VPS13D: variants seen among roughly 807,000 people sequenced by gnomAD.
VPS13D encodes vacuolar protein sorting 13 homolog D.
Under a neutral mutation model 461.9 loss-of-function variants are expected in VPS13D, and 187 were observed. The observed-to-expected ratio is 0.40, with a 90% CI of 0.36 to 0.46. VPS13D has a LOEUF of 0.46. VPS13D is among the 20% of genes least tolerant of loss of function. The probability of loss-of-function intolerance (pLI) is 0.60; values close to 1 mark genes in which losing one functional copy is unlikely to be tolerated. For missense variants in VPS13D, 4,711 were observed against 5,364.9 expected, an observed-to-expected ratio of 0.88 and a Z score of 3.81; for synonymous variants, 1,951 against 1,986.3, an observed-to-expected ratio of 0.98 and a Z score of 0.47.
In VPS13D at chr1:12,299,118, C is replaced by A; in HGVS notation, c.6034-84C>A. The A allele has an allele frequency of 7.4e-7, 1 of 1,348,800 alleles. No individual in the cohort carries two copies. Among genetic ancestry groups the A allele is most frequent in the Non-Finnish European group, 1.0e-6 (1 of 996,446 alleles). The allele number at this position is 1,348,800 out of a possible 1,614,324, so 83.6% of individuals were successfully genotyped here. ...TGATTTTAATTGTTTTATAAACTCACGAAACTTTTGGGAACCTGAGGTTAT... is the reference window on the plus strand; with the variant it reads ...TGATTTTAATTGTTTTATAAACTCAAGAAACTTTTGGGAACCTGAGGTTAT... On this transcript the variant is annotated intron_variant, in intron 24 of 69. Transcript: ENST00000620676. This position sits in a 1 kb window ranked among gnomAD's most constrained non-coding sequence, Gnocchi z 4.2.
At chr1:12,400,648 A>G (rs143449177) in intron 61 of VPS13D, among the ~76,000 whole-genome samples, 3 of 152,296 alleles carry the variant, frequency 2.0e-5, no homozygotes, top group African/African-American at 7.2e-5. Context: ...ATCCAGATCT[A>G]TTATTAAAAA....
rs759478285 is a variant in VPS13D at position 12,506,887 on chromosome 1, G to A, written c.12829G>A (p.Val4277Met). The A allele has an allele frequency of 3.8e-5, 62 of 1,614,144 alleles. No homozygotes were observed. Among genetic ancestry groups the A allele is most frequent in the South Asian group, 8.8e-5 (8 of 91,096 alleles). The change falls in exon 69 of 70, where the codon GTG becomes ATG. Residue 4277 changes from valine to methionine, a missense_variant. Val to Met is a conservative substitution (Grantham distance 21). Around this residue, in one of 3 missense-constraint regions of VPS13D, gnomAD observed 194 missense variants for 220.9 expected, o/e 0.88. Transcript: ENST00000620676. Reference sequence around the variant, plus strand: ...TGTGGAGAACATTGACAGCTACTGCGTGCTCATCTCCTCCAAAGCTGTTTA... The same window carrying A: ...TGTGGAGAACATTGACAGCTACTGCATGCTCATCTCCTCCAAAGCTGTTTA... ...IAVENIDSYCVLISSKAVYFL... is the reference protein window; with the variant it reads ...IAVENIDSYCMLISSKAVYFL...
At chr1:12,469,244 C>T (rs1209379574) in intron 67 of VPS13D, among the ~76,000 whole-genome samples, 1 of 152,114 alleles carries the variant, frequency 6.6e-6, no homozygotes, top group Non-Finnish European at 1.5e-5. Context: ...ACCCCAGATC[C>T]ATAACCTAAA....
At chr1:12,244,726 G>C (rs1322986350) in intron 5 of VPS13D, 109 bp downstream of exon 5, 2 of 1,021,664 alleles carry the variant, frequency 2.0e-6, no homozygotes, top group Non-Finnish European at 1.5e-6. Context: ...CTGATCTAGG[G>C]TGTAGATGGG....
chr1:12,328,794 CT>C (rs766845378), intron 36 of VPS13D, among the ~76,000 whole-genome samples: 12 of 152,334 alleles, frequency 7.9e-5, no homozygotes, highest in Non-Finnish European at 1.3e-4. Context: ...CCGCCTCAGC[CT>C]CCCAAAGTGC....
chr1:12,467,686 GA>G (rs1414787282), intron 67 of VPS13D, among the ~76,000 whole-genome samples: 1 of 152,060 alleles, frequency 6.6e-6, no homozygotes, highest in African/African-American at 2.4e-5. Context: ...TCTATTGTTG[GA>G]AAAAATGCAA....
chr1:12,468,037 T>C (rs1171714695), intron 67 of VPS13D, among the ~76,000 whole-genome samples: 1 of 152,220 alleles, frequency 6.6e-6, no homozygotes, highest in Non-Finnish European at 1.5e-5. Context: ...TTTGGGGTTA[T>C]TCCATTTACT....
Position 12,311,819 on chromosome 1 carries a change from C to T in VPS13D, c.6829C>T (p.Leu2277=), listed in dbSNP as rs142430611. 146 of 1,613,784 alleles carry T rather than the reference C, an allele frequency of 9.0e-5. No individual in the cohort carries two copies. The highest frequency in any genetic ancestry group is 1.1e-4 in the Non-Finnish European group (135 of 1,179,890). ...GAGCATTTTCCTTTTGTAGACTGTC[C>T]TGAGTGGAGAAGTGTACACCTGTAT... ...DLQDPRIHTV[L]SGEVYTCMCF... The change falls in exon 29 of 70, where the codon CTG becomes TTG. Residue 2277 remains leucine, a synonymous_variant. Transcript: ENST00000620676.
intron 15 of VPS13D, among the ~76,000 whole-genome samples, chr1:12,268,149 T>C (rs1248551105): frequency 6.6e-6 from 1 of 151,802 alleles, no homozygotes; most frequent in African/African-American, 2.4e-5. Flanking sequence ...GGGGTTTTGC[T>C]TTGTTGTCCA....
At chr1:12,456,636 CAAAAAA>C (rs367987300) in intron 66 of VPS13D, among the ~76,000 whole-genome samples, 4 of 83,674 alleles carry the variant, frequency 4.8e-5, no homozygotes, top group Admixed American at 2.6e-4. Flanking sequence ...GACTCCAATT[CAAAAAA>C]AAAAAAAAAA....
At chr1:12,361,604 C>T (rs1417240444) in intron 50 of VPS13D, among the ~76,000 whole-genome samples, 1 of 150,904 alleles carries the variant, frequency 6.6e-6, no homozygotes, top group Non-Finnish European at 1.5e-5. Flanking sequence ...ACCGTTTTAG[C>T]CGGGATGGTC....
rs1160450915 is a variant in VPS13D, at chr1:12,506,730, T to C, written c.12795-123T>C. 66 of 1,301,660 alleles carry C rather than the reference T, an allele frequency of 5.1e-5. No individual in the cohort carries two copies. The East Asian group carries it at 1.5e-3, about 29-fold the overall frequency. The allele number at this position is 1,301,660 out of a possible 1,614,324, so 80.6% of individuals were successfully genotyped here. ...GATAGAATTTCAGGATTTAGAAGTATTTCCCGGCAAGGGGGCCGGGATTCG... is the reference window on the plus strand; with the variant it reads ...GATAGAATTTCAGGATTTAGAAGTACTTCCCGGCAAGGGGGCCGGGATTCG... On this transcript the variant is annotated intron_variant, in intron 68 of 69. Coordinates refer to ENST00000620676, the MANE Select transcript of VPS13D (RefSeq NM_015378.4).
rs1218918761 is a variant in VPS13D, at chr1:12,367,587, T to TTTATTTATTTAC, written c.10449-879_10449-878insATTTATTTACTT. 191 of 151,928 alleles carry TTTATTTATTTAC rather than the reference T, an allele frequency of 1.3e-3. 1 individual carries two copies. The highest frequency in any genetic ancestry group is 4.4e-3 in the African/African-American group (184 of 41,448). 9.4% of individuals were successfully genotyped at this position (151,928 alleles called of 1,614,324 possible). On this transcript the variant is annotated intron_variant, in intron 52 of 69. Transcript: ENST00000620676. ...ATTTATTTATTTATTTATTTATTTA[T>TTTATTTATTTAC]TTTTGGAAACAGAGTCTCGCTCAGT...
chr1:12,292,738 C>G (rs1642170671), intron 23 of VPS13D, among the ~76,000 whole-genome samples: 1 of 152,052 alleles, frequency 6.6e-6, no homozygotes, highest in Admixed American at 6.6e-5. Flanking sequence ...CGTGCCTGGC[C>G]AGTGTGTGTG....
At chr1:12,403,177 G>A (rs768820135) in intron 62 of VPS13D, among the ~76,000 whole-genome samples, 1 of 152,248 alleles carries the variant, frequency 6.6e-6, no homozygotes, top group Non-Finnish European at 1.5e-5. Context: ...CCAGTTGGAT[G>A]TGCATACAGC....
At chr1:12,317,739 T>C (rs1642928147) in intron 30 of VPS13D, among the ~76,000 whole-genome samples, 1 of 151,920 alleles carries the variant, frequency 6.6e-6, no homozygotes. Context: ...AGTGTGACCC[T>C]GTCTCTTAAA....
intron 60 of VPS13D, among the ~76,000 whole-genome samples, chr1:12,388,831 A>G (rs1164096342): frequency 6.6e-6 from 1 of 152,234 alleles, no homozygotes; most frequent in Non-Finnish European, 1.5e-5. Context: ...AAAGACACAA[A>G]TAGGTTAAAA....
chr1:12,265,467 C>T (rs1641239688), intron 13 of VPS13D, among the ~76,000 whole-genome samples: 1 of 152,150 alleles, frequency 6.6e-6, no homozygotes, highest in Non-Finnish European at 1.5e-5. Flanking sequence ...AAATACATTG[C>T]ATAGGCTGTA....
chr1:12,350,629 A>C (rs182516305), intron 46 of VPS13D, among the ~76,000 whole-genome samples: 2 of 152,322 alleles, frequency 1.3e-5, no homozygotes, highest in East Asian at 1.9e-4. Context: ...AAAATGAAGA[A>C]TATATAAAAT....
Sources: allele counts gnomAD v4.1 joint callset (sites outside exome capture counted in the v4.1 genomes callset), GRCh38; gene constraint gnomAD v4.1.1; regional missense constraint gnomAD v4.1.1; non-coding constraint Gnocchi (gnomAD v3.1); transcripts MANE v1.5; gene names NCBI Gene and HGNC (gene_info 2026-07-23, HGNC 2026-07-21).